ZMIZ1: variants seen among roughly 807,000 people sequenced by gnomAD.
The protein encoded by ZMIZ1 is zinc finger MIZ-type containing 1.
ZMIZ1 carries 17 observed loss-of-function variants against 113.9 expected under a neutral mutation model. The ratio of observed to expected loss-of-function variants is 0.15; its 90% CI spans 0.10 to 0.22. The LOEUF (loss-of-function observed/expected upper bound fraction) is 0.22. Ranked by LOEUF, ZMIZ1 falls within the 10% of genes least tolerant of loss-of-function variation. The pLI is 1.00. For synonymous variants in ZMIZ1, 607 were observed against 603.1 expected, an observed-to-expected ratio of 1.01 and a Z score of -0.09; for missense variants, 1,059 against 1,477.8, an observed-to-expected ratio of 0.72 and a Z score of 4.65.
chr10:79,236,001 GAA>G (rs1431882401), intron 7 of ZMIZ1, among the ~76,000 whole-genome samples: 1 of 152,190 alleles, frequency 6.6e-6, no homozygotes, highest in African/African-American at 2.4e-5. Flanking sequence ...TTTGAAGAGG[GAA>G]ACAAGGGCCT....
chr10:79,070,964 T>G (rs1385127628), intron 1 of ZMIZ1, among the ~76,000 whole-genome samples: 1 of 152,002 alleles, frequency 6.6e-6, no homozygotes, highest in African/African-American at 2.4e-5. Flanking sequence ...CAAACAAATG[T>G]TCTCTCAGAG....
chr10:79,303,787 G>A (rs1047460006), intron 18 of ZMIZ1, among the ~76,000 whole-genome samples: 6 of 152,214 alleles, frequency 3.9e-5, no homozygotes, highest in Non-Finnish European at 5.9e-5. Context: ...CAGCCACCTC[G>A]TCTGGCACAC....
intron 7 of ZMIZ1, among the ~76,000 whole-genome samples, chr10:79,221,060 G>A (rs2132731684): frequency 6.6e-6 from 1 of 152,312 alleles, no homozygotes; most frequent in African/African-American, 2.4e-5. Context: ...GTGTCTGCAT[G>A]CATGTTATCT....
intron 7 of ZMIZ1, among the ~76,000 whole-genome samples, chr10:79,231,032 TG>T (rs1849375152): frequency 6.6e-6 from 1 of 152,218 alleles, no homozygotes; most frequent in South Asian, 2.1e-4. Flanking sequence ...TGCCTCCTCC[TG>T]GGGTGCCTTT....
At chr10:79,126,179 C>A (rs1290673775) in intron 2 of ZMIZ1, among the ~76,000 whole-genome samples, 2 of 152,202 alleles carry the variant, frequency 1.3e-5, no homozygotes, top group Non-Finnish European at 2.9e-5. Context: ...CCAGTGAGGC[C>A]GGGATTTGTA....
intron 4 of ZMIZ1, among the ~76,000 whole-genome samples, chr10:79,191,771 G>C (rs6480925): frequency 0.19 from 29,605 of 152,154 alleles, 3,306 homozygotes; most frequent in South Asian, 0.3. Context: ...AATCCTGGCA[G>C]TTGTCAGTAG....
chr10:79,290,475 T>A (rs1407117287), intron 9 of ZMIZ1, among the ~76,000 whole-genome samples: 1 of 152,214 alleles, frequency 6.6e-6, no homozygotes, highest in Non-Finnish European at 1.5e-5. Flanking sequence ...TGACCGGTTG[T>A]CGCCTGCTCC....
chr10:79,314,389 GA>G lies in ZMIZ1; in HGVS notation c.*1643del. 1 of 379,348 alleles carries G rather than the reference GA, an allele frequency of 2.6e-6. No individual in the cohort carries two copies. Among genetic ancestry groups the G allele is most frequent in the Non-Finnish European group, 5.3e-6 (1 of 188,214 alleles). 23.5% of individuals were successfully genotyped at this position (379,348 alleles called of 1,614,324 possible). A position where few individuals can be genotyped will look rare whatever the true frequency, so the allele number is the denominator to read the frequency against. On this transcript the variant is annotated 3_prime_UTR_variant, in exon 25 of 25. Coordinates refer to ENST00000334512, the MANE Select transcript of ZMIZ1 (RefSeq NM_020338.4). ...CAGCTCTCCTCTGTGGGTTTTACCG[GA>G]AAGGTGGCCCCAGCTGTTGACTTCC... is the stretch of plus-strand genomic sequence containing the variant.
chr10:79,240,422 C>T (rs1849773142), intron 7 of ZMIZ1, among the ~76,000 whole-genome samples: 1 of 152,114 alleles, frequency 6.6e-6, no homozygotes, highest in African/African-American at 2.4e-5. Context: ...GTGGAGAAGG[C>T]CCTCTGAAGC....
rs559577195 is a variant in ZMIZ1, at chr10:79,292,166, G to C, written c.767G>C (p.Gly256Ala). Residue 256 changes from glycine to alanine, a missense_variant, in exon 11 of 25, where the codon GGG (glycine) becomes GCG (alanine). Gly to Ala is a moderately conservative substitution (Grantham distance 60). This residue lies in a region of ZMIZ1 where 272 missense variants were observed against 350.4 expected (regional missense o/e 0.78). Transcript: ENST00000334512. ...GSGGFGASYP[G>A]GPNAPAGMGI... Reference sequence around the variant, plus strand: ...CCCTTCTCCCCCTGCAGTTACCCTGGGGGTCCTAACGCCCCCGCAGGCATG... The same window carrying C: ...CCCTTCTCCCCCTGCAGTTACCCTGCGGGTCCTAACGCCCCCGCAGGCATG... 5.6e-6 allele frequency: 9 copies of C among 1,608,344 alleles called. No individual in the cohort carries two copies. The highest frequency in any genetic ancestry group is 1.7e-5 in the Admixed American group (1 of 59,874).
At chr10:79,228,731 G>A (rs1412619117) in intron 7 of ZMIZ1, among the ~76,000 whole-genome samples, 1 of 152,226 alleles carries the variant, frequency 6.6e-6, no homozygotes, top group African/African-American at 2.4e-5. Context: ...CTGAGTCAGG[G>A]CCAGCTAGCT....
intron 2 of ZMIZ1, among the ~76,000 whole-genome samples, chr10:79,120,275 A>G (rs888078960): frequency 4.6e-5 from 7 of 152,234 alleles, no homozygotes; most frequent in South Asian, 2.1e-4. Context: ...GTGCACTTGC[A>G]TGCTCACATA....
intron 1 of ZMIZ1, among the ~76,000 whole-genome samples, chr10:79,100,055 C>G (rs866044434): frequency 6.6e-6 from 1 of 152,108 alleles, no homozygotes. Context: ...GAGCACATCT[C>G]TTGTTGAATG....
At chr10:79,248,146 A>T (rs1390683152) in intron 7 of ZMIZ1, among the ~76,000 whole-genome samples, 1 of 152,164 alleles carries the variant, frequency 6.6e-6, no homozygotes, top group African/African-American at 2.4e-5. Flanking sequence ...AGAGAATTAG[A>T]TGAACAGAGG....
At position 79,069,318 on chromosome 10, in the gene ZMIZ1, C is replaced by A. The variant is rs1842165025; in HGVS notation, c.-337+48C>A. On this transcript the variant is annotated intron_variant, in intron 1 of 24. Transcript: ENST00000334512. The surrounding 1 kb of genome is among the most constrained non-coding windows in gnomAD (Gnocchi z 4.6). ...GCGCCCGCTGGCTCCGGGGCTACCTCCCGCTCCCCGGGGACTCTCGGGGTG... is the reference window on the plus strand; with the variant it reads ...GCGCCCGCTGGCTCCGGGGCTACCTACCGCTCCCCGGGGACTCTCGGGGTG... 1 of 150,504 alleles carries A rather than the reference C, an allele frequency of 6.6e-6. No homozygotes were observed. The highest frequency in any genetic ancestry group is 2.1e-4 in the South Asian group (1 of 4,822). 9.3% of individuals were successfully genotyped at this position (150,504 alleles called of 1,614,324 possible). A position where few individuals can be genotyped will look rare whatever the true frequency, so the allele number is the denominator to read the frequency against.
chr10:79,182,676 G>A (rs748843322), intron 4 of ZMIZ1, among the ~76,000 whole-genome samples: 1 of 152,220 alleles, frequency 6.6e-6, no homozygotes, highest in Non-Finnish European at 1.5e-5. Context: ...GATTTGAAGA[G>A]GCCCAGGGTT....
chr10:79,310,148 T>C (rs561208833), intron 23 of ZMIZ1, among the ~76,000 whole-genome samples: 1 of 152,246 alleles, frequency 6.6e-6, no homozygotes, highest in Admixed American at 6.5e-5. Context: ...TGGTGAACCG[T>C]CACTCAGTCT....
chr10:79,233,679 G>C (rs1198745626), intron 7 of ZMIZ1, among the ~76,000 whole-genome samples: 1 of 151,046 alleles, frequency 6.6e-6, no homozygotes. Flanking sequence ...CTCCTGGAGA[G>C]CGTCACCCCA....
At chr10:79,311,304 G>GGGGGGGGGT in intron 24 of ZMIZ1, 120 bp downstream of exon 24, 1 of 359,152 alleles carries the variant, frequency 2.8e-6, no homozygotes, top group Non-Finnish European at 5.5e-6. Context: ...TGGGCGGTGG[G>GGGGGGGGGT]AGGGCTTCAC....
Sources: allele counts gnomAD v4.1 joint callset (sites outside exome capture counted in the v4.1 genomes callset), GRCh38; gene constraint gnomAD v4.1.1; regional missense constraint gnomAD v4.1.1; non-coding constraint Gnocchi (gnomAD v3.1); transcripts MANE v1.5; gene names NCBI Gene and HGNC (gene_info 2026-07-23, HGNC 2026-07-21).